Variants in MAD1L1 observed in about 807,000 individuals in gnomAD.
MAD1L1 encodes mitotic spindle assembly checkpoint protein MAD1.
MAD1L1 carries 95 observed loss-of-function variants against 96.9 expected under a neutral mutation model. The ratio of observed to expected loss-of-function variants is 0.98; its 90% CI spans 0.83 to 1.16. The LOEUF (loss-of-function observed/expected upper bound fraction) is 1.16, where lower values mean the gene tolerates loss of function less well. Ranked by LOEUF, MAD1L1 falls within the 50% of genes most tolerant of loss-of-function variation. The pLI is 0.00. For synonymous variants in MAD1L1, 473 were observed against 396.6 expected, an observed-to-expected ratio of 1.19 and a Z score of -2.29; for missense variants, 1,007 against 954.4, an observed-to-expected ratio of 1.06 and a Z score of -0.73.
At chr7:1,880,124 G>A (rs971960621) in intron 18 of MAD1L1, among the ~76,000 whole-genome samples, 4 of 152,166 alleles carry the variant, frequency 2.6e-5, no homozygotes, top group South Asian at 2.1e-4. Context: ...ACTAGGACTC[G>A]CCACAACTCC....
At chr7:2,208,066 T>A (rs1002438210) in intron 10 of MAD1L1, among the ~76,000 whole-genome samples, 1 of 152,166 alleles carries the variant, frequency 6.6e-6, no homozygotes, top group African/African-American at 2.4e-5. Flanking sequence ...CCTCTTACAA[T>A]GTCTCCATTT....
Position 2,230,020 on chromosome 7 carries a change from T to G in MAD1L1, c.114A>C (p.Pro38=). ...GCTGGTACTGCATCTGCAGAGAACC[T>G]GGGGCCGAGGTAGAAATATCCAGTC... ...GSGLDISTSA[P]GSLQMQYQQS... Residue 38 remains proline (P), a synonymous_variant, in exon 3 of 19, where the codon CCA becomes CCC. Coordinates refer to ENST00000265854, the MANE Select transcript of MAD1L1 (RefSeq NM_001013836.2). 6.2e-7 allele frequency: 1 copy of G among 1,613,624 alleles called. No homozygotes were observed. The highest frequency in any genetic ancestry group is 8.5e-7 in the Non-Finnish European group (1 of 1,180,012).
intron 11 of MAD1L1, among the ~76,000 whole-genome samples, chr7:2,112,355 G>A (rs185652059): frequency 5.8e-4 from 88 of 152,176 alleles, no homozygotes; most frequent in African/African-American, 2.0e-3. Flanking sequence ...AGCTCTAAGC[G>A]GTAAACCTAA....
At chr7:1,976,710 T>A (rs1461627524) in intron 15 of MAD1L1, among the ~76,000 whole-genome samples, 1 of 152,234 alleles carries the variant, frequency 6.6e-6, no homozygotes, top group Non-Finnish European at 1.5e-5. Context: ...AGCTGATTGG[T>A]CTGTTTTGAC....
chr7:1,901,977 G>C (rs569751260), intron 17 of MAD1L1, among the ~76,000 whole-genome samples: 1 of 152,222 alleles, frequency 6.6e-6, no homozygotes, highest in African/African-American at 2.4e-5. Flanking sequence ...AGGGACACAG[G>C]CCTGGTACTG....
At chr7:2,224,666 G>T (rs1054071097) in intron 4 of MAD1L1, among the ~76,000 whole-genome samples, 1 of 152,184 alleles carries the variant, frequency 6.6e-6, no homozygotes, top group African/African-American at 2.4e-5. Context: ...GAGACTTTCC[G>T]CCCAATACTC....
chr7:1,897,525 T>G (rs942302593), intron 18 of MAD1L1, among the ~76,000 whole-genome samples: 1 of 152,222 alleles, frequency 6.6e-6, no homozygotes, highest in Admixed American at 6.5e-5. Context: ...AAGCCCCTGT[T>G]GCCCTGGGTC....
chr7:2,166,707 G>A (rs946948528), intron 10 of MAD1L1, among the ~76,000 whole-genome samples: 2 of 152,220 alleles, frequency 1.3e-5, no homozygotes, highest in Non-Finnish European at 2.9e-5. Context: ...TGGCCCGGCC[G>A]GCCTGAGGCT....
At chr7:1,961,381 C>CTGTCAG (rs1779944505) in intron 15 of MAD1L1, among the ~76,000 whole-genome samples, 1 of 152,216 alleles carries the variant, frequency 6.6e-6, no homozygotes, top group Non-Finnish European at 1.5e-5. Flanking sequence ...CAGTACTGGT[C>CTGTCAG]TGCAAGACAG....
chr7:1,820,525 G>C (rs1782068431), intron 18 of MAD1L1, among the ~76,000 whole-genome samples: 1 of 152,196 alleles, frequency 6.6e-6, no homozygotes, highest in African/African-American at 2.4e-5. Flanking sequence ...TTTGCACTTT[G>C]GGAGGCCAAG....
At chr7:1,975,356 T>G (rs1356233344) in intron 15 of MAD1L1, among the ~76,000 whole-genome samples, 1 of 152,056 alleles carries the variant, frequency 6.6e-6, no homozygotes. Flanking sequence ...ACCAATCACT[T>G]GTACTCCAGA....
At chr7:1,928,446 G>A (rs1234457273) in intron 17 of MAD1L1, among the ~76,000 whole-genome samples, 1 of 151,708 alleles carries the variant, frequency 6.6e-6, no homozygotes, top group African/African-American at 2.4e-5. Flanking sequence ...CGACCCACCG[G>A]TCCCTAGAGG....
chr7:2,171,074 A>G (rs996412974), intron 10 of MAD1L1, among the ~76,000 whole-genome samples: 13 of 152,202 alleles, frequency 8.5e-5, no homozygotes, highest in Non-Finnish European at 1.6e-4. Flanking sequence ...AAACGGCCCA[A>G]TTTTCCTTGC....
intron 11 of MAD1L1, among the ~76,000 whole-genome samples, chr7:2,101,292 AGGG>A (rs1418117122): frequency 1.3e-4 from 15 of 114,420 alleles, no homozygotes; most frequent in African/African-American, 4.8e-4. Context: ...CCACTCCTAA[AGGG>A]TCTCCATTCA....
chr7:2,044,935 A>G (rs1783855130), intron 12 of MAD1L1, among the ~76,000 whole-genome samples: 1 of 152,054 alleles, frequency 6.6e-6, no homozygotes, highest in Non-Finnish European at 1.5e-5. Flanking sequence ...TCACCTCCCC[A>G]CTCTGATGAG....
At chr7:2,017,002 T>C (rs934568599) in intron 12 of MAD1L1, among the ~76,000 whole-genome samples, 1 of 152,262 alleles carries the variant, frequency 6.6e-6, no homozygotes, top group Non-Finnish European at 1.5e-5. Flanking sequence ...GTCTCTTTTA[T>C]TGATCAGTAA....
At chr7:2,076,843 C>A (rs571344699) in intron 11 of MAD1L1, among the ~76,000 whole-genome samples, 1 of 150,886 alleles carries the variant, frequency 6.6e-6, no homozygotes, top group Admixed American at 6.6e-5. Flanking sequence ...GCACGGTCAG[C>A]CTGAGACGGT....
intron 11 of MAD1L1, among the ~76,000 whole-genome samples, chr7:2,091,034 C>T (rs569099008): frequency 1.3e-4 from 20 of 152,210 alleles, no homozygotes; most frequent in Non-Finnish European, 2.5e-4. Context: ...TTTGACGCGT[C>T]GGGTTATAAG....
At chr7:2,169,713 G>A (rs1400782416) in intron 10 of MAD1L1, among the ~76,000 whole-genome samples, 2 of 145,862 alleles carry the variant, frequency 1.4e-5, no homozygotes, top group Non-Finnish European at 2.9e-5. Flanking sequence ...AGCAGAGGCT[G>A]GACCACAGTC....
Sources: gnomAD v4.1 joint callset for allele counts (sites outside exome capture counted in the v4.1 genomes callset) on GRCh38, gnomAD v4.1.1 for gene constraint, MANE v1.5 for transcripts, NCBI Gene and HGNC (gene_info 2026-07-23, HGNC 2026-07-21) for gene names.